The following CELSR1 variants were observed in gnomAD, a reference collection of about 807,000 sequenced individuals.
CELSR1 encodes the protein adhesion G protein-coupled receptor C1.
Under a neutral mutation model 249.1 loss-of-function variants are expected in CELSR1, and 110 were observed. The observed-to-expected ratio is 0.44, with a 90% confidence interval of 0.38 to 0.52. CELSR1 has a LOEUF of 0.52. Ranked by LOEUF, CELSR1 falls within the 20% of genes least tolerant of loss-of-function variation. The pLI, the probability that CELSR1 is intolerant of heterozygous loss-of-function variation, is 0.00. For synonymous variants in CELSR1, 2,113 were observed against 1,900.0 expected (o/e 1.11, Z -2.92); for missense variants, 4,109 against 4,296.4 (o/e 0.96, Z 1.22).
chr22:46,511,863 C>A (rs1016541938), intron 1 of CELSR1, among the ~76,000 whole-genome samples: 1 of 152,164 alleles, frequency 6.6e-6, no homozygotes. Flanking sequence ...CTGTAAACAT[C>A]CCTCGGTCAT....
Position 46,396,545 on chromosome 22 carries a change from C to A in CELSR1, c.5843+60G>T, listed in dbSNP as rs556278911. 5 of 1,428,014 alleles carry A rather than the reference C, an allele frequency of 3.5e-6. No individual in the cohort carries two copies. The highest frequency in any genetic ancestry group is 3.3e-5 in the South Asian group (2 of 60,010). The allele number at this position is 1,428,014 out of a possible 1,614,324, so 88.5% of individuals were successfully genotyped here. A position where few individuals can be genotyped will look rare whatever the true frequency, so the allele number is the denominator to read the frequency against. On this transcript the variant is annotated intron_variant, in intron 13 of 34. Transcript: ENST00000674500. The surrounding 1 kb of genome is among the most constrained non-coding windows in gnomAD (Gnocchi z 6.4). Reference sequence around the variant, plus strand: ...AAATAAGAAAGAGAAGACACTGAGTCGAGGGAACACAGCCACATGGACTCT... The same window carrying A: ...AAATAAGAAAGAGAAGACACTGAGTAGAGGGAACACAGCCACATGGACTCT...
chr22:46,511,061 C>T (rs1477144994), intron 1 of CELSR1, among the ~76,000 whole-genome samples: 1 of 152,072 alleles, frequency 6.6e-6, no homozygotes, highest in Non-Finnish European at 1.5e-5. Flanking sequence ...TTGCAGTGAG[C>T]TGAGATCGTG....
chr22:46,450,290 C>T (rs577066594), intron 2 of CELSR1, among the ~76,000 whole-genome samples: 3 of 152,238 alleles, frequency 2.0e-5, no homozygotes, highest in South Asian at 2.1e-4. Flanking sequence ...TGGGGGAGGA[C>T]GTGCTACCAA....
intron 2 of CELSR1, among the ~76,000 whole-genome samples, chr22:46,463,238 G>A (rs920378090): frequency 3.9e-5 from 6 of 152,212 alleles, no homozygotes; most frequent in African/African-American, 7.2e-5. Context: ...ATTGCTGGCC[G>A]GACACGGTGG....
At chr22:46,505,301 T>C (rs1284796144) in intron 1 of CELSR1, among the ~76,000 whole-genome samples, 1 of 146,900 alleles carries the variant, frequency 6.8e-6, no homozygotes, top group African/African-American at 2.5e-5. Context: ...CAGGTCTTCA[T>C]TTGCTAGAAC....
In CELSR1 at chr22:46,473,708, C is replaced by G. The variant is rs566284613; in HGVS notation, c.3545-9363G>C. ...ACACAGGGTGCGTGCCTGTCCTTCC[C>G]GAGGCCTTCACAGCAGGCAGGGAGG... On this transcript the variant is annotated intron_variant, in intron 1 of 34. Transcript: ENST00000674500. This position sits in a 1 kb window ranked among gnomAD's most constrained non-coding sequence, Gnocchi z 6.6. Among the ~76,000 whole-genome samples the G allele has an allele frequency of 3.3e-5, 5 of 152,168 alleles. No homozygotes were observed. The highest frequency in any genetic ancestry group is 5.9e-5 in the Non-Finnish European group (4 of 68,020).
In CELSR1 at chr22:46,430,110, C is replaced by T. The variant is rs1015978727; in HGVS notation, c.4611+3283G>A. On this transcript the variant is annotated intron_variant, in intron 5 of 34. Coordinates refer to ENST00000674500, the MANE Select transcript of CELSR1 (RefSeq NM_001378328.1). This position sits in a 1 kb window ranked among gnomAD's most constrained non-coding sequence, Gnocchi z 4.6. Reference sequence around the variant, plus strand: ...AGGAGGCCACTCTGACAGGCAACACCCGGGAGATCATGCTCAGATCTAAAA... The same window carrying T: ...AGGAGGCCACTCTGACAGGCAACACTCGGGAGATCATGCTCAGATCTAAAA... Among the ~76,000 whole-genome samples the T allele has an allele frequency of 1.4e-4, 21 of 152,160 alleles. No individual in the cohort carries two copies. Among genetic ancestry groups the T allele is most frequent in the African/African-American group, 4.6e-4 (19 of 41,422 alleles).
chr22:46,533,812 G>C lies in CELSR1; in HGVS notation c.3359C>G (p.Pro1120Arg). Residue 1120 changes from proline (P) to arginine (R), a missense_variant, in exon 1 of 35, where the codon CCC becomes CGC. Physicochemically the swap from Pro to Arg is moderately radical, Grantham distance 103 (BLOSUM62 -2). Around this residue, in one of 7 missense-constraint regions of CELSR1, gnomAD observed 886 missense variants for 896.5 expected, o/e 0.99. Coordinates refer to ENST00000674500, the MANE Select transcript of CELSR1 (RefSeq NM_001378328.1). The stretch of plus-strand genomic sequence containing the variant: ...CGGGATGCAGCCGATCACGCCGGTG[G>C]GGAAACTGTTGGACTTGTTGGTGAC... ...NYVTNKSNSF[P>R]TGVIGCIPAH... The C allele has an allele frequency of 6.2e-7, 1 of 1,613,850 alleles. No homozygotes were observed. The highest frequency in any genetic ancestry group is 8.5e-7 in the Non-Finnish European group (1 of 1,180,022).
intron 2 of CELSR1, among the ~76,000 whole-genome samples, chr22:46,460,199 A>ACG: frequency 1.5e-5 from 1 of 67,372 alleles, no homozygotes; most frequent in South Asian, 7.8e-4. Context: ...ACACACACAC[A>ACG]CACACACACA....
At chr22:46,376,096 A>G (rs1223302798) in intron 24 of CELSR1, among the ~76,000 whole-genome samples, 1 of 152,232 alleles carries the variant, frequency 6.6e-6, no homozygotes, top group Admixed American at 6.5e-5. Context: ...AGATGTCTTC[A>G]TTAGATTAAA....
intron 2 of CELSR1, among the ~76,000 whole-genome samples, chr22:46,456,824 C>G (rs973584128): frequency 1.3e-5 from 2 of 150,036 alleles, no homozygotes; most frequent in African/African-American, 2.5e-5. Flanking sequence ...GTTTCTCTGT[C>G]CTTGAACCTA....
At chr22:46,507,651 C>T (rs965055379) in intron 1 of CELSR1, among the ~76,000 whole-genome samples, 10 of 152,178 alleles carry the variant, frequency 6.6e-5, no homozygotes, top group Admixed American at 4.6e-4. Flanking sequence ...CTGCCTCGCC[C>T]GCAGTCTGGG....
rs766792448 is a variant in CELSR1 at position 46,408,861 on chromosome 22, G to A, written c.5226+135C>T. ...GCTGATATTCCCCTTCCCCCTCTTCGGAGAACCCCAGGGGCGGGCGCCGGA... is the reference window on the plus strand; with the variant it reads ...GCTGATATTCCCCTTCCCCCTCTTCAGAGAACCCCAGGGGCGGGCGCCGGA... On this transcript the variant is annotated intron_variant, in intron 9 of 34. Coordinates refer to ENST00000674500, the MANE Select transcript of CELSR1 (RefSeq NM_001378328.1). The surrounding 1 kb of genome is among the most constrained non-coding windows in gnomAD (Gnocchi z 4.6). The A allele has an allele frequency of 3.8e-5, 26 of 677,182 alleles. No individual in the cohort carries two copies. The highest frequency in any genetic ancestry group is 4.1e-4 in the Middle Eastern group (1 of 2,458). The allele number at this position is 677,182 out of a possible 1,614,324, so 41.9% of individuals were successfully genotyped here.
chr22:46,478,139 G>C (rs888965184), intron 1 of CELSR1, among the ~76,000 whole-genome samples: 1 of 152,340 alleles, frequency 6.6e-6, no homozygotes, highest in East Asian at 1.9e-4. Context: ...AGCCCGGGAA[G>C]CACCGAGCTC....
In CELSR1 at chr22:46,395,646, C is replaced by T. The variant is rs904356003; in HGVS notation, c.5843+959G>A. Among the ~76,000 whole-genome samples the T allele has an allele frequency of 4.6e-5, 7 of 152,144 alleles. No individual in the cohort carries two copies. The highest frequency in any genetic ancestry group is 1.4e-4 in the African/African-American group (6 of 41,420). On this transcript the variant is annotated intron_variant, in intron 13 of 34. Transcript: ENST00000674500. This position sits in a 1 kb window ranked among gnomAD's most constrained non-coding sequence, Gnocchi z 5.5. ...TGCTTCCCACTCATGGGGTCACAGC[C>T]GGGATCACAGCACCTGCTCTAGGCT...
intron 24 of CELSR1, among the ~76,000 whole-genome samples, chr22:46,376,803 CAAA>C (rs71705266): frequency 2.5e-5 from 3 of 122,354 alleles, no homozygotes; most frequent in African/African-American, 5.7e-5. Context: ...GCGAGACTCT[CAAA>C]AAAAAAAAAA....
chr22:46,431,569 G>A (rs2336999), intron 5 of CELSR1, among the ~76,000 whole-genome samples: 1,721 of 152,312 alleles, frequency 0.011, 21 homozygotes, highest in Admixed American at 0.019. Flanking sequence ...CAGCCCTTGG[G>A]AGGCACCACC....
chr22:46,531,317 T>A (rs997895684), intron 1 of CELSR1, among the ~76,000 whole-genome samples: 2 of 152,138 alleles, frequency 1.3e-5, no homozygotes, highest in African/African-American at 2.4e-5. Flanking sequence ...GCAATTTTCC[T>A]GCCTCAGCCT....
At chr22:46,514,348 C>T (rs781243958) in intron 1 of CELSR1, among the ~76,000 whole-genome samples, 17 of 152,166 alleles carry the variant, frequency 1.1e-4, no homozygotes, top group African/African-American at 2.2e-4. Context: ...ACCTCAACTG[C>T]GGGCCTATGT....
Sources: gnomAD v4.1 joint callset for allele counts (sites outside exome capture counted in the v4.1 genomes callset) on GRCh38, gnomAD v4.1.1 for gene constraint, gnomAD v4.1.1 regional missense constraint, Gnocchi (gnomAD v3.1) non-coding constraint, MANE v1.5 for transcripts, NCBI Gene and HGNC (gene_info 2026-07-23, HGNC 2026-07-21) for gene names.